The following RBFOX3 variants were observed in gnomAD, a reference collection of about 807,000 sequenced individuals.
The protein encoded by RBFOX3 is RNA binding protein fox-1 homolog 3.
Under a neutral mutation model 48.7 loss-of-function variants are expected in RBFOX3, and 17 were observed. The ratio of observed to expected loss-of-function variants is 0.35; its 90% CI spans 0.24 to 0.52. The LOEUF (loss-of-function observed/expected upper bound fraction) is 0.52. Ranked by LOEUF, RBFOX3 falls within the 20% of genes least tolerant of loss-of-function variation. The pLI is 0.94. For missense variants in RBFOX3, 382 were observed against 497.5 expected (o/e 0.77, Z 2.21); for synonymous variants, 212 against 209.5 (o/e 1.01, Z -0.10).
At chr17:79,265,232 T>C (rs115573444) in intron 3 of RBFOX3, among the ~76,000 whole-genome samples, 124 of 152,348 alleles carry the variant, frequency 8.1e-4, no homozygotes, top group African/African-American at 3.0e-3. Context: ...CCAGGTTTCA[T>C]GAGCTTGCTC....
At chr17:79,656,708 GGAGA>G in the RBFOX3 span, among the ~76,000 whole-genome samples, 2,269 of 13,188 alleles carry the variant, frequency 0.17, 21 homozygotes, top group East Asian at 0.41. Flanking sequence ...AAGGAAGGAA[GGAGA>G]GAGAGAGAGA....
chr17:79,109,549 C>T (rs903570748), intron 5 of RBFOX3, among the ~76,000 whole-genome samples: 13 of 152,222 alleles, frequency 8.5e-5, no homozygotes, highest in African/African-American at 3.1e-4. Context: ...CCGGAGGGGA[C>T]GACCTTACCC....
chr17:79,091,184 G>A (rs1568105004), intron 14 of RBFOX3, among the ~76,000 whole-genome samples: 1 of 152,194 alleles, frequency 6.6e-6, no homozygotes, highest in Non-Finnish European at 1.5e-5. Context: ...GCCTGGATGA[G>A]ATGGCAGAGG....
At chr17:79,168,543 CAGG>C (rs1161953474) in intron 4 of RBFOX3, among the ~76,000 whole-genome samples, 1 of 152,250 alleles carries the variant, frequency 6.6e-6, no homozygotes. Context: ...CCCTGCCAGC[CAGG>C]AGGTGTCCTC....
chr17:79,558,357 G>A (rs1372435040), intron 1 of RBFOX3, among the ~76,000 whole-genome samples: 1 of 152,334 alleles, frequency 6.6e-6, no homozygotes, highest in East Asian at 1.9e-4. Context: ...GTGCATGAGA[G>A]CCAACCCAGT....
intron 4 of RBFOX3, among the ~76,000 whole-genome samples, chr17:79,137,414 C>T (rs879769471): frequency 3.3e-5 from 5 of 152,120 alleles, no homozygotes; most frequent in Non-Finnish European, 5.9e-5. Context: ...AGGCAGGGGG[C>T]GGGGCAAAAT....
chr17:79,491,559 C>A (rs924772896), intron 1 of RBFOX3, among the ~76,000 whole-genome samples: 4 of 151,918 alleles, frequency 2.6e-5, no homozygotes, highest in Admixed American at 2.0e-4. Context: ...ACCAGTCCCA[C>A]CCACATGGGA....
chr17:79,415,262 C>A (rs2065141631), intron 2 of RBFOX3, among the ~76,000 whole-genome samples: 1 of 152,232 alleles, frequency 6.6e-6, no homozygotes, highest in Non-Finnish European at 1.5e-5. Flanking sequence ...AAGAGCCAGT[C>A]CCTGGCACAC....
intron 1 of RBFOX3, among the ~76,000 whole-genome samples, chr17:79,584,429 A>G (rs1169771088): frequency 6.6e-6 from 1 of 152,224 alleles, no homozygotes; most frequent in Admixed American, 6.5e-5. Flanking sequence ...ACAAAAAAAG[A>G]TATTTGCTCA....
intron 4 of RBFOX3, among the ~76,000 whole-genome samples, chr17:79,200,330 A>T (rs1158679462): frequency 6.6e-6 from 1 of 152,266 alleles, no homozygotes; most frequent in Non-Finnish European, 1.5e-5. Context: ...CCAGGGAGTC[A>T]GAAGGTGGGG....
At chr17:79,399,622 C>CAA (rs140363019) in intron 2 of RBFOX3, among the ~76,000 whole-genome samples, 4 of 151,378 alleles carry the variant, frequency 2.6e-5, no homozygotes, top group Admixed American at 2.6e-4. Flanking sequence ...AAGGAGAAAG[C>CAA]AAAAAAAATC....
At chr17:79,183,875 C>T (rs1367801611) in intron 4 of RBFOX3, among the ~76,000 whole-genome samples, 2 of 152,180 alleles carry the variant, frequency 1.3e-5, no homozygotes, top group East Asian at 1.9e-4. Context: ...CCCTCCCTCG[C>T]GCCCTCCCAC....
chr17:79,251,325 G>C (rs886676126), intron 3 of RBFOX3, among the ~76,000 whole-genome samples: 1 of 152,118 alleles, frequency 6.6e-6, no homozygotes, highest in Non-Finnish European at 1.5e-5. Flanking sequence ...GTGGGACAGA[G>C]AACAGACGAG....
rs797030864 is a variant in RBFOX3, at chr17:79,477,693, G to A, written c.-175+4761C>T. On this transcript the variant is annotated intron_variant, in intron 2 of 14. Coordinates refer to ENST00000693108, the MANE Select transcript of RBFOX3 (RefSeq NM_001350451.2). This position sits in a 1 kb window ranked among gnomAD's most constrained non-coding sequence, Gnocchi z 4.8. ...CTTGCTCTGGTGGTGAACAAGCAAA[G>A]GGGCAGGGTGGCAGAATTAGGCAGG... is the stretch of plus-strand genomic sequence containing the variant. Among the ~76,000 whole-genome samples, 1 of 152,194 alleles carries A rather than the reference G, an allele frequency of 6.6e-6. No individual in the cohort carries two copies. The highest frequency in any genetic ancestry group is 2.4e-5 in the African/African-American group (1 of 41,434).
intron 4 of RBFOX3, among the ~76,000 whole-genome samples, chr17:79,141,428 T>A (rs2041896446): frequency 6.6e-6 from 1 of 152,186 alleles, no homozygotes; most frequent in Non-Finnish European, 1.5e-5. Flanking sequence ...GAGGGTCTCT[T>A]CTGGGCATCT....
intron 1 of RBFOX3, among the ~76,000 whole-genome samples, chr17:79,521,690 TACTC>T (rs1237119109): frequency 4.2e-4 from 63 of 151,282 alleles, no homozygotes; most frequent in African/African-American, 1.2e-3. Context: ...GACACACTCA[TACTC>T]ACACACGGAG....
At chr17:79,373,527 A>G (rs971199987) in intron 2 of RBFOX3, among the ~76,000 whole-genome samples, 3 of 152,008 alleles carry the variant, frequency 2.0e-5, no homozygotes, top group African/African-American at 7.3e-5. Flanking sequence ...GAGGGGCCAG[A>G]CGGGTGCTTA....
chr17:79,631,831 G>A, the RBFOX3 span, among the ~76,000 whole-genome samples: 1 of 152,228 alleles, frequency 6.6e-6, no homozygotes, highest in Non-Finnish European at 1.5e-5. Flanking sequence ...CCTGGAAGAA[G>A]GATGCCAGCT....
chr17:79,664,496 A>G, the RBFOX3 span, among the ~76,000 whole-genome samples: 2 of 151,912 alleles, frequency 1.3e-5, no homozygotes, highest in South Asian at 2.1e-4. Flanking sequence ...ACAGGCGCCC[A>G]CCACCTCACC....
Sources: allele counts gnomAD v4.1 joint callset (sites outside exome capture counted in the v4.1 genomes callset), GRCh38; gene constraint gnomAD v4.1.1; non-coding constraint Gnocchi (gnomAD v3.1); transcripts MANE v1.5; gene names NCBI Gene and HGNC (gene_info 2026-07-23, HGNC 2026-07-21).